The following CELF2 variants were observed in gnomAD, a reference collection of about 807,000 sequenced individuals.
CELF2 encodes CUGBP Elav-like family member 2, also known as CUG triplet repeat RNA-binding protein 2.
CELF2 carries 8 observed loss-of-function variants against 62.6 expected under a neutral mutation model. The ratio of observed to expected loss-of-function variants is 0.13; its 90% CI spans 0.07 to 0.23. The LOEUF is 0.23. Ranked by LOEUF, CELF2 falls within the 10% of genes least tolerant of loss-of-function variation. The pLI, the probability that CELF2 is intolerant of heterozygous loss-of-function variation, is 1.00. For synonymous variants in CELF2, 258 were observed against 250.0 expected (o/e 1.03, Z -0.30); for missense variants, 333 against 671.0 (o/e 0.50, Z 5.56).
At position 11,280,940 on chromosome 10, in the gene CELF2, G is replaced by A. The variant is rs537914348; in HGVS notation, c.841+5820G>A. On this transcript the variant is annotated intron_variant, in intron 8 of 12. Transcript: ENST00000633077. This position sits in a 1 kb window ranked among gnomAD's most constrained non-coding sequence, Gnocchi z 7.6. ...AGGTAGCTAAGAATGGAGGAGCTCG[G>A]GCTCGCCTGGCTGCTTCTGATGCTG... 6.6e-6 allele frequency among the ~76,000 whole-genome samples: 1 copy of A among 152,060 alleles called. No individual in the cohort carries two copies. Among genetic ancestry groups the A allele is most frequent in the East Asian group, 1.9e-4 (1 of 5,168 alleles).
intron 1 of CELF2, among the ~76,000 whole-genome samples, chr10:10,891,860 T>A (rs184060185): frequency 6.6e-6 from 1 of 152,310 alleles, no homozygotes; most frequent in East Asian, 1.9e-4. Flanking sequence ...TGTTGTTAAA[T>A]TGGGCTGTCA....
In CELF2 at chr10:11,314,358, C is replaced by T. The variant is rs147448952; in HGVS notation, c.1096+100C>T. The T allele has an allele frequency of 7.7e-3, 11,711 of 1,513,434 alleles. 59 individuals are homozygous for T. Among genetic ancestry groups the T allele is most frequent in the Non-Finnish European group, 9.7e-3 (10,534 of 1,091,558 alleles). 93.8% of individuals were successfully genotyped at this position (1,513,434 alleles called of 1,614,324 possible). ...AGAAATGACCCGAAAAAGGATATGC[C>T]ACGGGGAGAACTAAAACTTGGGATG... On this transcript the variant is annotated intron_variant, in intron 10 of 12. Coordinates refer to ENST00000633077, the MANE Select transcript of CELF2 (RefSeq NM_001326342.2). The surrounding 1 kb of genome is among the most constrained non-coding windows in gnomAD (Gnocchi z 5.3).
At chr10:10,889,716 C>T (rs1215007022) in intron 1 of CELF2, among the ~76,000 whole-genome samples, 1 of 152,192 alleles carries the variant, frequency 6.6e-6, no homozygotes, top group Non-Finnish European at 1.5e-5. Flanking sequence ...CAAGCATATA[C>T]CTGCTGGTCA....
chr10:10,612,651 A>C, the CELF2 span, among the ~76,000 whole-genome samples: 1 of 152,150 alleles, frequency 6.6e-6, no homozygotes, highest in African/African-American at 2.4e-5. Flanking sequence ...CACATCTTCA[A>C]AGTAATGGGT....
the CELF2 span, among the ~76,000 whole-genome samples, chr10:10,791,838 A>G: frequency 2.6e-5 from 4 of 152,268 alleles, no homozygotes; most frequent in African/African-American, 9.6e-5. Context: ...TATGGCTTTT[A>G]ATCCAATATT....
intron 2 of CELF2, among the ~76,000 whole-genome samples, chr10:10,920,506 AT>A (rs1398102000): frequency 1.3e-5 from 2 of 152,184 alleles, no homozygotes; most frequent in Non-Finnish European, 2.9e-5. Flanking sequence ...ATACTTAGTA[AT>A]ATTATATCAT....
intron 1 of CELF2, among the ~76,000 whole-genome samples, chr10:10,881,775 G>T (rs1254437331): frequency 6.6e-6 from 1 of 152,126 alleles, no homozygotes; most frequent in African/African-American, 2.4e-5. Context: ...GTACTTAAGA[G>T]CAAGTTGTTA....
At chr10:11,262,038 A>AT (rs141643469) in intron 5 of CELF2, among the ~76,000 whole-genome samples, 2,272 of 152,150 alleles carry the variant, frequency 0.015, 28 homozygotes, top group Non-Finnish European at 0.025. Flanking sequence ...AAGGAGTTTA[A>AT]TTTTTTTCCC....
intron 1 of CELF2, among the ~76,000 whole-genome samples, chr10:11,137,268 C>A (rs2060586080): frequency 6.6e-6 from 1 of 152,140 alleles, no homozygotes; most frequent in South Asian, 2.1e-4. Flanking sequence ...GTTCTGGAGT[C>A]AATAGAGTAG....
intron 1 of CELF2, among the ~76,000 whole-genome samples, chr10:10,836,051 G>A (rs1367829693): frequency 2.0e-5 from 3 of 152,124 alleles, no homozygotes; most frequent in African/African-American, 7.2e-5. Context: ...TAATTCTTAG[G>A]CATCCAAGAA....
At chr10:11,272,623 C>G (rs116791651) in intron 7 of CELF2, among the ~76,000 whole-genome samples, 410 of 152,344 alleles carry the variant, frequency 2.7e-3, no homozygotes, top group African/African-American at 9.4e-3. Context: ...GAGAGGAAAT[C>G]TCAGCCTGAT....
At chr10:10,961,283 C>T (rs184465242) in intron 2 of CELF2, among the ~76,000 whole-genome samples, 37 of 152,220 alleles carry the variant, frequency 2.4e-4, no homozygotes, top group African/African-American at 8.7e-4. Context: ...GAAGATTACA[C>T]TGTGTATTTA....
At chr10:10,822,669 G>C (rs1220682518) in intron 1 of CELF2, among the ~76,000 whole-genome samples, 2 of 152,136 alleles carry the variant, frequency 1.3e-5, no homozygotes, top group African/African-American at 4.8e-5. Flanking sequence ...CTGTTTCACT[G>C]TTTTTCTCCT....
chr10:10,574,130 A>C, the CELF2 span, among the ~76,000 whole-genome samples: 1 of 152,148 alleles, frequency 6.6e-6, no homozygotes, highest in Non-Finnish European at 1.5e-5. Context: ...CATAGAATCC[A>C]CTCTCTTAAA....
In CELF2 at chr10:11,010,110, C is replaced by T. The variant is rs1351937901; in HGVS notation, c.53+4670C>T. ...TGTTGCTCATGCTTTGCTTTGTGAA[C>T]ATCCTGGGCTGAGAGTCCAGCTCTC... is the stretch of plus-strand genomic sequence containing the variant. On this transcript the variant is annotated intron_variant, in intron 1 of 12. Coordinates refer to the CELF2 transcript ENST00000416382. The surrounding 1 kb of genome is among the most constrained non-coding windows in gnomAD (Gnocchi z 4.1). 6.6e-6 allele frequency: 1 copy of T among 152,368 alleles called. No homozygotes were observed. Among genetic ancestry groups the T allele is most frequent in the African/African-American group, 2.4e-5 (1 of 41,584 alleles). The allele number at this position is 152,368 out of a possible 1,614,324, so 9.4% of individuals were successfully genotyped here. A position where few individuals can be genotyped will look rare whatever the true frequency, so the allele number is the denominator to read the frequency against.
At position 11,319,763 on chromosome 10, in the gene CELF2, C is replaced by A. The variant is rs979575764; in HGVS notation, c.1097-1426C>A. The A allele has an allele frequency of 6.4e-6, 3 of 470,992 alleles. No individual in the cohort carries two copies. The highest frequency in any genetic ancestry group is 8.8e-6 in the Non-Finnish European group (2 of 227,004). The allele number at this position is 470,992 out of a possible 1,614,324, so 29.2% of individuals were successfully genotyped here. A position where few individuals can be genotyped will look rare whatever the true frequency, so the allele number is the denominator to read the frequency against. On this transcript the variant is annotated intron_variant, in intron 10 of 12. Coordinates refer to ENST00000633077, the MANE Select transcript of CELF2 (RefSeq NM_001326342.2). This position sits in a 1 kb window ranked among gnomAD's most constrained non-coding sequence, Gnocchi z 4.4. Reference sequence around the variant, plus strand: ...GGTGAGGCACAATGACAGTCCTCCACTGTTAAGCTATAGCCTAATTCATAT... The same window carrying A: ...GGTGAGGCACAATGACAGTCCTCCAATGTTAAGCTATAGCCTAATTCATAT...
the CELF2 span, among the ~76,000 whole-genome samples, chr10:10,740,337 T>C: frequency 6.6e-6 from 1 of 152,134 alleles, no homozygotes; most frequent in Non-Finnish European, 1.5e-5. Flanking sequence ...TTATTTTGCA[T>C]GTGGCTATCC....
the CELF2 span, among the ~76,000 whole-genome samples, chr10:10,577,628 C>T: frequency 5.3e-5 from 8 of 151,078 alleles, no homozygotes; most frequent in East Asian, 1.2e-3. Flanking sequence ...TTTGTCCTTG[C>T]GATAGTTTGC....
At chr10:11,126,301 C>G (rs2058688247) in intron 1 of CELF2, among the ~76,000 whole-genome samples, 1 of 152,294 alleles carries the variant, frequency 6.6e-6, no homozygotes, top group South Asian at 2.1e-4. Flanking sequence ...TGCCTTTTCT[C>G]TCACATGTCT....
Sources: allele counts gnomAD v4.1 joint callset (sites outside exome capture counted in the v4.1 genomes callset), GRCh38; gene constraint gnomAD v4.1.1; non-coding constraint Gnocchi (gnomAD v3.1); transcripts MANE v1.5; gene names NCBI Gene and HGNC (gene_info 2026-07-23, HGNC 2026-07-21).